The following BICD1 variants were observed in gnomAD, a reference collection of about 807,000 sequenced individuals.
The protein encoded by BICD1 is protein bicaudal D homolog 1.
BICD1 carries 35 observed loss-of-function variants against 92.5 expected under a neutral mutation model. That is an observed-to-expected ratio of 0.38 (90% confidence interval 0.29 to 0.50). The LOEUF (loss-of-function observed/expected upper bound fraction) is 0.50, where lower values mean the gene tolerates loss of function less well. Among genes scored for constraint, BICD1 ranks in the 20% least tolerant of loss-of-function variants. The pLI is 0.93. For missense variants in BICD1, 950 were observed against 1,189.8 expected (o/e 0.80, Z 2.97); for synonymous variants, 429 against 465.1 (o/e 0.92, Z 1.00).
chr12:32,271,262 T>G (rs1467969476), intron 2 of BICD1, among the ~76,000 whole-genome samples: 1 of 152,206 alleles, frequency 6.6e-6, no homozygotes, highest in Non-Finnish European at 1.5e-5. Flanking sequence ...GTTTCCACAG[T>G]GCTTCCAGCC....
chr12:32,339,274 A>T, intron 8 of BICD1: 1 of 1,074,952 alleles, frequency 9.3e-7, no homozygotes, highest in Non-Finnish European at 1.1e-6. Context: ...CTTGGATCCT[A>T]TTTGCAGTTT....
chr12:32,213,236 C>T (rs1156747655), intron 1 of BICD1, among the ~76,000 whole-genome samples: 3 of 152,188 alleles, frequency 2.0e-5, no homozygotes, highest in Admixed American at 6.5e-5. Flanking sequence ...ATAATTTTCA[C>T]GACTTAATAC....
chr12:32,322,163 CTT>C (rs1274077228), intron 4 of BICD1, among the ~76,000 whole-genome samples: 1 of 151,638 alleles, frequency 6.6e-6, no homozygotes, highest in African/African-American at 2.4e-5. Context: ...TCAGGCCAAA[CTT>C]AATTATCTGG....
chr12:32,360,127 G>A (rs374896701), intron 8 of BICD1, among the ~76,000 whole-genome samples: 2 of 150,978 alleles, frequency 1.3e-5, no homozygotes, highest in African/African-American at 2.4e-5. Context: ...GGAGCTTGCC[G>A]AGATCACACC....
At chr12:32,290,192 G>A (rs1434817570) in intron 2 of BICD1, among the ~76,000 whole-genome samples, 1 of 118,694 alleles carries the variant, frequency 8.4e-6, no homozygotes, top group Non-Finnish European at 1.9e-5. Flanking sequence ...GTTGAAAGCA[G>A]GTTTCCAAAA....
At chr12:32,208,877 T>C (rs1945135523) in intron 1 of BICD1, among the ~76,000 whole-genome samples, 1 of 152,122 alleles carries the variant, frequency 6.6e-6, no homozygotes, top group Non-Finnish European at 1.5e-5. Context: ...CAGGCTGCAG[T>C]GCAGTGGTGC....
intron 1 of BICD1, among the ~76,000 whole-genome samples, chr12:32,114,481 A>G (rs1941816230): frequency 6.6e-6 from 1 of 152,064 alleles, no homozygotes; most frequent in African/African-American, 2.4e-5. Flanking sequence ...TCCTGGGCTC[A>G]AGCAATCCTC....
intron 1 of BICD1, among the ~76,000 whole-genome samples, chr12:32,124,669 G>A (rs1209160111): frequency 6.6e-6 from 1 of 152,142 alleles, no homozygotes; most frequent in Non-Finnish European, 1.5e-5. Context: ...AACATTTGAG[G>A]GGGCTTTGAA....
intron 2 of BICD1, among the ~76,000 whole-genome samples, chr12:32,259,589 GGGCATTGCT>G (rs1481414735): frequency 6.6e-6 from 1 of 152,084 alleles, no homozygotes; most frequent in African/African-American, 2.4e-5. Flanking sequence ...CCTCAATATG[GGGCATTGCT>G]GGTCTCCAGG....
At chr12:32,285,895 T>A (rs1286986287) in intron 2 of BICD1, among the ~76,000 whole-genome samples, 1 of 152,238 alleles carries the variant, frequency 6.6e-6, no homozygotes, top group Non-Finnish European at 1.5e-5. Flanking sequence ...AACACAACAG[T>A]TGCAATCTTT....
At chr12:32,173,046 T>G (rs572183638) in intron 1 of BICD1, among the ~76,000 whole-genome samples, 7 of 112,018 alleles carry the variant, frequency 6.2e-5, no homozygotes, top group South Asian at 3.3e-4. Context: ...AGAGGCAGAG[T>G]TTTTTTTTTT....
At chr12:32,340,822 G>T (rs1306788007) in intron 8 of BICD1, 1 of 152,910 alleles carries the variant, frequency 6.5e-6, no homozygotes, top group Admixed American at 6.6e-5. Flanking sequence ...GTCCACTGAG[G>T]TAGTTTTTCA....
intron 5 of BICD1, among the ~76,000 whole-genome samples, chr12:32,334,293 C>A (rs1379998887): frequency 6.6e-6 from 1 of 152,130 alleles, no homozygotes; most frequent in Non-Finnish European, 1.5e-5. Flanking sequence ...TGGCTCGCAG[C>A]GGGCTTCTAG....
chr12:32,215,818 T>G (rs1042844670), intron 1 of BICD1, among the ~76,000 whole-genome samples: 10 of 151,572 alleles, frequency 6.6e-5, no homozygotes, highest in South Asian at 2.1e-4. Flanking sequence ...GCCGGGCGTG[T>G]TGGTGGGCAC....
intron 4 of BICD1, among the ~76,000 whole-genome samples, chr12:32,324,137 G>T (rs746802164): frequency 6.6e-6 from 1 of 151,946 alleles, no homozygotes; most frequent in Non-Finnish European, 1.5e-5. Context: ...GAGACCAGCC[G>T]CCAGGCTGAA....
At chr12:32,335,565 G>A (rs1474665088) in intron 6 of BICD1, among the ~76,000 whole-genome samples, 1 of 148,052 alleles carries the variant, frequency 6.8e-6, no homozygotes, top group Non-Finnish European at 1.5e-5. Context: ...ACAATGCAGT[G>A]TCAAAAAAGA....
intron 1 of BICD1, among the ~76,000 whole-genome samples, chr12:32,153,164 C>T (rs993987106): frequency 2.0e-5 from 3 of 152,008 alleles, no homozygotes; most frequent in Non-Finnish European, 2.9e-5. Context: ...TGAGAACATA[C>T]GGTATTTGTT....
intron 2 of BICD1, among the ~76,000 whole-genome samples, chr12:32,223,234 G>T (rs568838572): frequency 3.9e-5 from 6 of 152,240 alleles, no homozygotes; most frequent in African/African-American, 1.4e-4. Flanking sequence ...TTGAAGAGAG[G>T]CATCCGGGTG....
chr12:32,344,600 T>C (rs530002913), intron 8 of BICD1, among the ~76,000 whole-genome samples: 106 of 152,328 alleles, frequency 7.0e-4, no homozygotes, highest in African/African-American at 2.4e-3. Flanking sequence ...TAGGAATGTT[T>C]AAATATGTCC....
Sources: gnomAD v4.1 joint callset for allele counts (sites outside exome capture counted in the v4.1 genomes callset) on GRCh38, gnomAD v4.1.1 for gene constraint, MANE v1.5 for transcripts, NCBI Gene and HGNC (gene_info 2026-07-23, HGNC 2026-07-21) for gene names.